RANBP17: variants seen among roughly 807,000 people sequenced by gnomAD.
RANBP17 encodes ran-binding protein 17.
A neutral mutation model predicts 141.2 loss-of-function variants in RANBP17; 158 were observed. That is an observed-to-expected ratio of 1.12 (90% CI 0.98 to 1.28). RANBP17 has a LOEUF of 1.28. Among genes scored for constraint, RANBP17 ranks in the 50% most tolerant of loss-of-function variants. The probability of loss-of-function intolerance (pLI) is 0.00; values close to 1 mark genes in which losing one functional copy is unlikely to be tolerated. For missense variants in RANBP17, 1,438 were observed against 1,290.7 expected, an observed-to-expected ratio of 1.11 and a Z score of -1.75; for synonymous variants, 430 against 450.0, an observed-to-expected ratio of 0.96 and a Z score of 0.56.
intron 23 of RANBP17, 148 bp from the exon 24 acceptor site, chr5:171,242,533 AC>A (rs1764944323): frequency 2.7e-6 from 2 of 750,792 alleles, no homozygotes; most frequent in African/African-American, 3.6e-5. Flanking sequence ...CTGGATTGGG[AC>A]TCATTATGTC....
At chr5:171,108,430 T>A (rs1754996830) in intron 14 of RANBP17, among the ~76,000 whole-genome samples, 1 of 152,162 alleles carries the variant, frequency 6.6e-6, no homozygotes, top group African/African-American at 2.4e-5. Flanking sequence ...TTATTTATTT[T>A]GAGACGAGGT....
At chr5:171,265,961 A>T (rs553611698) in intron 25 of RANBP17, 114 bp downstream of exon 25, 96 of 761,196 alleles carry the variant, frequency 1.3e-4, no homozygotes, top group Non-Finnish European at 1.6e-4. Flanking sequence ...ACTGGTAAAA[A>T]ATATATATAT....
chr5:170,992,447 A>G (rs1778569912), intron 14 of RANBP17, among the ~76,000 whole-genome samples: 1 of 152,072 alleles, frequency 6.6e-6, no homozygotes, highest in Non-Finnish European at 1.5e-5. Flanking sequence ...AGCAGGAAAG[A>G]CATTTCATAA....
chr5:171,205,789 T>C (rs1292408404), intron 20 of RANBP17, 177 bp downstream of exon 20: 2 of 698,338 alleles, frequency 2.9e-6, no homozygotes, highest in Non-Finnish European at 5.2e-6. Context: ...AGCACAGTAT[T>C]TGGAGACCCA....
At chr5:171,004,955 G>A (rs1041549693) in intron 14 of RANBP17, among the ~76,000 whole-genome samples, 3 of 152,148 alleles carry the variant, frequency 2.0e-5, no homozygotes, top group Admixed American at 2.0e-4. Context: ...TCCTACAGCG[G>A]AGGCAAGTAG....
intron 16 of RANBP17, among the ~76,000 whole-genome samples, chr5:171,176,111 A>G (rs542456543): frequency 2.2e-4 from 33 of 152,254 alleles, no homozygotes; most frequent in African/African-American, 7.7e-4. Flanking sequence ...CTGACTCTCT[A>G]AGATTATCCC....
At chr5:171,068,692 T>C (rs908886507) in intron 14 of RANBP17, among the ~76,000 whole-genome samples, 2 of 152,080 alleles carry the variant, frequency 1.3e-5, no homozygotes, top group African/African-American at 4.8e-5. Context: ...ATTCAAGTGA[T>C]TGTCCTGCCT....
At chr5:171,145,200 A>G (rs960453060) in intron 14 of RANBP17, among the ~76,000 whole-genome samples, 3 of 152,172 alleles carry the variant, frequency 2.0e-5, no homozygotes, top group Non-Finnish European at 4.4e-5. Context: ...AGTGGTTCCT[A>G]AGAAACCTAA....
chr5:171,038,325 G>A (rs1782022622), intron 14 of RANBP17, among the ~76,000 whole-genome samples: 1 of 136,856 alleles, frequency 7.3e-6, no homozygotes, highest in Non-Finnish European at 1.6e-5. Context: ...TACTGAAGTT[G>A]TTTATCAGTT....
intron 11 of RANBP17, 55 bp from the exon 12 acceptor site, chr5:170,924,302 G>A: frequency 8.7e-7 from 1 of 1,149,962 alleles, no homozygotes; most frequent in Non-Finnish European, 1.2e-6. Flanking sequence ...TATTTGTGGT[G>A]AATAAAAGTG....
intron 14 of RANBP17, among the ~76,000 whole-genome samples, chr5:170,998,686 G>A (rs1779001977): frequency 6.6e-6 from 1 of 152,044 alleles, no homozygotes; most frequent in South Asian, 2.1e-4. Flanking sequence ...TGTCTTGGAT[G>A]TTCATTCAGA....
intron 14 of RANBP17, among the ~76,000 whole-genome samples, chr5:171,078,480 A>G (rs542024155): frequency 1.9e-4 from 29 of 152,346 alleles, no homozygotes; most frequent in Non-Finnish European, 3.2e-4. Flanking sequence ...TTCAATGTAG[A>G]TGAAACAGTC....
At chr5:171,172,559 G>A (rs1263857473) in intron 16 of RANBP17, among the ~76,000 whole-genome samples, 3 of 149,268 alleles carry the variant, frequency 2.0e-5, no homozygotes, top group Admixed American at 1.3e-4. Flanking sequence ...TAATAATAAT[G>A]CTGAAATACT....
chr5:171,246,064 A>G (rs1765198217), intron 24 of RANBP17, among the ~76,000 whole-genome samples: 1 of 151,938 alleles, frequency 6.6e-6, no homozygotes, highest in African/African-American at 2.4e-5. Context: ...TATTTTTAGT[A>G]GAGACAGGGT....
intron 14 of RANBP17, among the ~76,000 whole-genome samples, chr5:171,081,067 C>G (rs1306127978): frequency 2.0e-5 from 3 of 152,180 alleles, no homozygotes; most frequent in Non-Finnish European, 4.4e-5. Context: ...AGCCCAGAGG[C>G]TCTAAGTTCG....
At chr5:170,863,838 T>TTCACAGTACATTCCAACATAAGTACC in intron 1 of RANBP17, among the ~76,000 whole-genome samples, 1 of 150,760 alleles carries the variant, frequency 6.6e-6, no homozygotes, top group African/African-American at 2.4e-5. Context: ...AGGAATGTAC[T>TTCACAGTACATTCCAACATAAGTACC]TCACAGTACA....
At chr5:171,188,712 G>A (rs1269793298) in intron 18 of RANBP17, among the ~76,000 whole-genome samples, 2 of 152,128 alleles carry the variant, frequency 1.3e-5, no homozygotes, top group Non-Finnish European at 1.5e-5. Flanking sequence ...TTTCCTTTTT[G>A]ATATGGTCAT....
chr5:171,125,829 C>T (rs186428830), intron 14 of RANBP17, among the ~76,000 whole-genome samples: 14 of 150,232 alleles, frequency 9.3e-5, no homozygotes, highest in Admixed American at 4.6e-4. Context: ...CTTGCTCTGT[C>T]GCCCAGGCTA....
At position 170,890,013 on chromosome 5, in the gene RANBP17, T is replaced by C. The variant is rs543141745; in HGVS notation, c.257-2374T>C. 3.6e-4 allele frequency among the ~76,000 whole-genome samples: 55 copies of C among 152,278 alleles called. 1 individual carries two copies. In the South Asian group the frequency reaches 0.011, roughly 30 times the overall value. On this transcript the variant is annotated intron_variant, in intron 3 of 27. Coordinates refer to ENST00000523189, the MANE Select transcript of RANBP17 (RefSeq NM_022897.5). Reference sequence around the variant, plus strand: ...GATTTTTTTTCCCTGCCTTAGATAATGAATTTATTAGCCCTAGGTACCTTT... The same window carrying C: ...GATTTTTTTTCCCTGCCTTAGATAACGAATTTATTAGCCCTAGGTACCTTT...
Sources: gnomAD v4.1 joint callset for allele counts (sites outside exome capture counted in the v4.1 genomes callset) on GRCh38, gnomAD v4.1.1 for gene constraint, MANE v1.5 for transcripts, NCBI Gene and HGNC (gene_info 2026-07-23, HGNC 2026-07-21) for gene names.